The following CFAP69 variants were observed in gnomAD, a reference collection of about 807,000 sequenced individuals.
The protein encoded by CFAP69 is cilia- and flagella-associated protein 69.
A neutral mutation model predicts 123.0 loss-of-function variants in CFAP69; 92 were observed. The observed-to-expected ratio is 0.75, with a 90% CI of 0.63 to 0.89. CFAP69 has a LOEUF of 0.89. Among genes scored for constraint, CFAP69 ranks in the 40% least tolerant of loss-of-function variants. The probability of loss-of-function intolerance (pLI) is 0.00; values close to 1 mark genes in which losing one functional copy is unlikely to be tolerated. For synonymous variants in CFAP69, 380 were observed against 364.3 expected (o/e 1.04, Z -0.49); for missense variants, 1,067 against 1,096.9 (o/e 0.97, Z 0.39).
At chr7:90,292,803 T>A (rs577294300) in intron 15 of CFAP69, among the ~76,000 whole-genome samples, 1 of 152,332 alleles carries the variant, frequency 6.6e-6, no homozygotes, top group Admixed American at 6.5e-5. Flanking sequence ...TTCTGTTTGA[T>A]ATTCATGAAC....
At chr7:90,245,854 T>C (rs1239854304) in intron 1 of CFAP69, among the ~76,000 whole-genome samples, 1 of 152,162 alleles carries the variant, frequency 6.6e-6, no homozygotes, top group Non-Finnish European at 1.5e-5. Flanking sequence ...GTCATAGAGC[T>C]ACAGGGAGGA....
chr7:90,261,413 A>C (rs1040058178), intron 3 of CFAP69, among the ~76,000 whole-genome samples: 11 of 152,226 alleles, frequency 7.2e-5, no homozygotes, highest in Non-Finnish European at 8.8e-5. Context: ...AATATCTAGA[A>C]AGTCCATATT....
At chr7:90,254,943 T>G (rs1797462861) in intron 1 of CFAP69, among the ~76,000 whole-genome samples, 1 of 152,136 alleles carries the variant, frequency 6.6e-6, no homozygotes, top group East Asian at 1.9e-4. Flanking sequence ...ATATTTAAGA[T>G]GTAAAATCTG....
chr7:90,256,401 A>T (rs894026431), intron 2 of CFAP69, among the ~76,000 whole-genome samples: 1 of 152,110 alleles, frequency 6.6e-6, no homozygotes, highest in African/African-American at 2.4e-5. Context: ...TATGGGAAGG[A>T]TAGCATTAGG....
chr7:90,270,950 AT>A (rs1208481300), intron 6 of CFAP69, among the ~76,000 whole-genome samples: 6 of 152,092 alleles, frequency 3.9e-5, no homozygotes, highest in Non-Finnish European at 7.4e-5. Context: ...GTAGCATTAC[AT>A]TTTTCACCTC....
At chr7:90,284,069 C>T (rs982630054) in intron 13 of CFAP69, among the ~76,000 whole-genome samples, 14 of 152,056 alleles carry the variant, frequency 9.2e-5, no homozygotes, top group African/African-American at 1.2e-4. Flanking sequence ...ATCCAGGAAA[C>T]GTAATCTTTC....
intron 15 of CFAP69, among the ~76,000 whole-genome samples, chr7:90,296,577 C>G (rs1040632901): frequency 3.3e-5 from 5 of 152,014 alleles, no homozygotes; most frequent in African/African-American, 1.2e-4. Context: ...ATCCACCCCC[C>G]TCAGCCTCCC....
chr7:90,286,354 A>G lies in CFAP69; in HGVS notation c.1611A>G (p.Ile537Met). Residue 537 changes from isoleucine (I) to methionine (M), a missense_variant, in exon 14 of 23, where the codon ATA becomes ATG. By Grantham distance (10) the Ile-to-Met change is conservative (BLOSUM62 1). Transcript: ENST00000389297. ...EAIVLEIQSD[I>M]LLILSGLCEN... ...TTGTTTTGGAAATCCAGTCTGATAT[A>G]TTACTTATCCTATCTGGCCTTTGTG... is the stretch of plus-strand genomic sequence containing the variant. The G allele has an allele frequency of 6.2e-7, 1 of 1,612,094 alleles. No homozygotes were observed. Among genetic ancestry groups the G allele is most frequent in the Non-Finnish European group, 8.5e-7 (1 of 1,179,142 alleles).
chr7:90,271,512 T>A lies in CFAP69; in HGVS notation c.533-14T>A. 6.2e-7 allele frequency: 1 copy of A among 1,604,052 alleles called. No individual in the cohort carries two copies. Among genetic ancestry groups the A allele is most frequent in the Non-Finnish European group, 8.5e-7 (1 of 1,176,064 alleles). On this transcript the variant is annotated splice_polypyrimidine_tract_variant and intron_variant, in intron 6 of 22. Transcript: ENST00000389297. ...TGAGATAACTGTATGTATTTATTAA[T>A]GAATTGTTGTTAGGTTACCAGCAAG...
Position 90,271,632 on chromosome 7 carries a change from G to T in CFAP69, c.639G>T (p.Glu213Asp), listed in dbSNP as rs750447646. The change falls in exon 7 of 23, where the codon GAG becomes GAT. Residue 213 changes from glutamate to aspartate, a missense_variant. Transcript: ENST00000389297. ...CCTTGCTTGAAAATCAACTTGTTGA[G>T]AAACTTTGGGTACTTAAAGTTCTGC... The part of the protein sequence containing the change: ...SMTLLENQLV[E>D]KLWVLKVLQH... 1.4e-5 allele frequency: 22 copies of T among 1,613,656 alleles called. No individual in the cohort carries two copies. In the East Asian group the frequency reaches 4.7e-4, roughly 34 times the overall value.
chr7:90,286,542 A>G (rs1251684061), intron 14 of CFAP69, 143 bp downstream of exon 14: 1 of 814,110 alleles, frequency 1.2e-6, no homozygotes, highest in Non-Finnish European at 1.9e-6. Context: ...TATAAAGTAA[A>G]AGGTACAGAA....
intron 12 of CFAP69, 47 bp from the exon 13 acceptor site, chr7:90,282,845 C>T: frequency 1.5e-6 from 2 of 1,361,806 alleles, no homozygotes; most frequent in South Asian, 2.1e-5. Context: ...GATATATTTG[C>T]TTTATTTGAA....
chr7:90,295,504 G>T (rs1169102817), intron 15 of CFAP69, among the ~76,000 whole-genome samples: 1 of 152,012 alleles, frequency 6.6e-6, no homozygotes, highest in Non-Finnish European at 1.5e-5. Context: ...TCGTCCCTTC[G>T]GGGCTTGCCA....
chr7:90,312,287 A>G (rs1794403502), downstream of CFAP69, among the ~76,000 whole-genome samples: 1 of 152,230 alleles, frequency 6.6e-6, no homozygotes, highest in South Asian at 2.1e-4. Flanking sequence ...TTACTTCATA[A>G]CATGATAGAT....
chr7:90,260,181 A>G (rs1412429826), intron 3 of CFAP69, among the ~76,000 whole-genome samples: 1 of 152,158 alleles, frequency 6.6e-6, no homozygotes, highest in Non-Finnish European at 1.5e-5. Context: ...GGGAATCCAA[A>G]AGACTGAACA....
chr7:90,258,196 ATTTATTCTGAAATGAGAATTTCT>A, intron 3 of CFAP69, 33 bp downstream of exon 3: 1 of 1,389,458 alleles, frequency 7.2e-7, no homozygotes, highest in East Asian at 2.3e-5. Flanking sequence ...TGTTCATTTC[ATTTATTCTGAAATGAGAATTTCT>A]TTTAGAAAAT....
At chr7:90,274,170 A>G in intron 9 of CFAP69, 60 bp downstream of exon 9, 1 of 1,560,396 alleles carries the variant, frequency 6.4e-7, no homozygotes, top group East Asian at 2.3e-5. Context: ...TGGGTGAAAG[A>G]AGTCCTATAT....
At position 90,279,622 on chromosome 7, in the gene CFAP69, C is replaced by T. The variant is rs1789150507; in HGVS notation, c.1156-55C>T. The T allele has an allele frequency of 9.3e-6, 10 of 1,080,640 alleles. No homozygotes were observed. In the East Asian group the frequency reaches 2.1e-4, roughly 22 times the overall value. 66.9% of individuals were successfully genotyped at this position (1,080,640 alleles called of 1,614,324 possible). A position where few individuals can be genotyped will look rare whatever the true frequency, so the allele number is the denominator to read the frequency against. ...AAAATGTAAATTTTTATTTAATTGCCTTAAAGTATTTTTGGCTATGTTTCT... is the reference window on the plus strand; with the variant it reads ...AAAATGTAAATTTTTATTTAATTGCTTTAAAGTATTTTTGGCTATGTTTCT... On this transcript the variant is annotated intron_variant, in intron 11 of 22. Coordinates refer to ENST00000389297, the MANE Select transcript of CFAP69 (RefSeq NM_001039706.3).
intron 14 of CFAP69, 40 bp from the exon 15 acceptor site, chr7:90,288,194 T>C (rs1472253312): frequency 6.7e-7 from 1 of 1,499,120 alleles, no homozygotes; most frequent in Admixed American, 1.7e-5. Context: ...GAATTATTTA[T>C]TTATTTCAAG....
Sources: allele counts gnomAD v4.1 joint callset (sites outside exome capture counted in the v4.1 genomes callset), GRCh38; gene constraint gnomAD v4.1.1; transcripts MANE v1.5; gene names NCBI Gene and HGNC (gene_info 2026-07-23, HGNC 2026-07-21).